The following VSTM1 variants were observed in gnomAD, a reference collection of about 807,000 sequenced individuals.
VSTM1 encodes V-set and transmembrane domain-containing protein 1.
VSTM1 carries 27 observed loss-of-function variants against 33.1 expected under a neutral mutation model. The observed-to-expected ratio is 0.82, with a 90% CI of 0.60 to 1.12. The LOEUF (loss-of-function observed/expected upper bound fraction) is 1.12, where lower values mean the gene tolerates loss of function less well. VSTM1 is among the 50% of genes most tolerant of loss of function. The pLI is 0.00. For missense variants in VSTM1, 304 were observed against 288.9 expected (o/e 1.05, Z -0.38); for synonymous variants, 115 against 110.3 (o/e 1.04, Z -0.27).
chr19:54,060,525 G>A (rs558182039), intron 1 of VSTM1, among the ~76,000 whole-genome samples: 5 of 152,264 alleles, frequency 3.3e-5, no homozygotes, highest in South Asian at 2.1e-4. Context: ...CCGAAGCTGC[G>A]TTGGCAGCGA....
intron 1 of VSTM1, among the ~76,000 whole-genome samples, chr19:54,060,038 G>C (rs1204511781): frequency 6.6e-6 from 1 of 150,900 alleles, no homozygotes; most frequent in African/African-American, 2.4e-5. Flanking sequence ...ATTTTTAGTA[G>C]AGACGGGGTT....
At chr19:54,059,489 A>G (rs1189252804) in intron 1 of VSTM1, among the ~76,000 whole-genome samples, 1 of 152,008 alleles carries the variant, frequency 6.6e-6, no homozygotes, top group African/African-American at 2.4e-5. Context: ...TTGTTTTGAG[A>G]CAGAGTCTCG....
chr19:54,044,406 A>C (rs1419422656), intron 4 of VSTM1, among the ~76,000 whole-genome samples: 1 of 152,042 alleles, frequency 6.6e-6, no homozygotes, highest in Non-Finnish European at 1.5e-5. Context: ...TGAAAATATA[A>C]AAAATAAGCT....
Position 54,058,316 on chromosome 19 carries a change from C to A in VSTM1, c.345G>T (p.Leu115=). The change falls in exon 3 of 9, where the codon CTG becomes CTT. Residue 115 remains leucine, a synonymous_variant. Coordinates refer to ENST00000338372, the MANE Select transcript of VSTM1 (RefSeq NM_198481.4). ...ATCTGCCCTTCTCACCTGTGACCAC[C>A]AGCTGCAAGTGTTCACTGCTTTCTG... ...EWSESSEHLQ[L]VVTDKHDELE... 1 of 1,613,896 alleles carries A rather than the reference C, an allele frequency of 6.2e-7. No homozygotes were observed. Among genetic ancestry groups the A allele is most frequent in the Non-Finnish European group, 8.5e-7 (1 of 1,179,932 alleles).
Position 54,056,459 on chromosome 19 carries a change from G to A in VSTM1, c.355+1847C>T, listed in dbSNP as rs574330863. 2.9e-5 allele frequency among the ~76,000 whole-genome samples: 4 copies of A among 138,722 alleles called. 1 individual carries two copies. The highest frequency in any genetic ancestry group is 1.1e-4 in the African/African-American group (4 of 37,302). 91.0% of individuals were successfully genotyped at this position (138,722 alleles called of 152,430 possible). ...TGATGTCAAACTCCTGACCTCAGGT[G>A]ATCCACCCTCCTAGGCCTCCCAAAG... On this transcript the variant is annotated intron_variant, in intron 3 of 8. Coordinates refer to ENST00000338372, the MANE Select transcript of VSTM1 (RefSeq NM_198481.4).
At position 54,061,120 on chromosome 19, in the gene VSTM1, C is replaced by T. The variant is rs565933053; in HGVS notation, c.35-2388G>A. 9.5e-5 allele frequency among the ~76,000 whole-genome samples: 14 copies of T among 147,960 alleles called. No individual in the cohort carries two copies. The East Asian group carries it at 1.2e-3, about 13-fold the overall frequency. Reference sequence around the variant, plus strand: ...GCAACCTCTGCCTCCCAGGTTCAAGCGATTTTCCTGCCTCAGCCTCCCGAG... The same window carrying T: ...GCAACCTCTGCCTCCCAGGTTCAAGTGATTTTCCTGCCTCAGCCTCCCGAG... On this transcript the variant is annotated intron_variant, in intron 1 of 8. Transcript: ENST00000338372.
In VSTM1 at chr19:54,042,275, A is replaced by G. The variant is rs745389751; in HGVS notation, c.487+2T>C. 5.0e-6 allele frequency: 8 copies of G among 1,613,814 alleles called. No individual in the cohort carries two copies. In the Admixed American group the frequency reaches 8.3e-5, roughly 17 times the overall value. On this transcript the variant is annotated splice_donor_variant, in intron 5 of 8. Coordinates refer to ENST00000338372, the MANE Select transcript of VSTM1 (RefSeq NM_198481.4). LOFTEE classifies it high-confidence loss of function. ...CTCTCCCTTTGCGTTCTCTGAGCTC[A>G]CTGTGCTGGCTGCATCTGTAGATGA...
intron 1 of VSTM1, among the ~76,000 whole-genome samples, chr19:54,060,731 C>T (rs1220302855): frequency 2.0e-5 from 3 of 152,138 alleles, no homozygotes; most frequent in African/African-American, 7.2e-5. Context: ...CACTCTGTGG[C>T]CCAGGCTGGA....
rs565718243 is a variant in VSTM1, at chr19:54,050,817, T to TAAAAACA, written c.394+586_394+592dup. ...CAACATGGTGAAACCCCATCTCTAC[T>TAAAAACA]AAAAACAAAAAACAAAAAACAAAAC... On this transcript the variant is annotated intron_variant, in intron 4 of 8. Transcript: ENST00000338372. 2.2e-3 allele frequency among the ~76,000 whole-genome samples: 332 copies of TAAAAACA among 151,042 alleles called. 15 individuals are homozygous for TAAAAACA. In the South Asian group the frequency reaches 0.067, roughly 30 times the overall value.
chr19:54,052,139 C>T (rs1260446506), intron 3 of VSTM1, among the ~76,000 whole-genome samples: 1 of 151,976 alleles, frequency 6.6e-6, no homozygotes, highest in Non-Finnish European at 1.5e-5. Context: ...TGGCTCACGC[C>T]TGTAATCCCA....
chr19:54,056,195 CTTTCTTTTCT>C lies in VSTM1; in HGVS notation c.355+2101_355+2110del, dbSNP rs1389829407. Among the ~76,000 whole-genome samples, 286 of 90,646 alleles carry C rather than the reference CTTTCTTTTCT, an allele frequency of 3.2e-3. 20 individuals are homozygous for C. The highest frequency in any genetic ancestry group is 5.2e-3 in the Middle Eastern group (1 of 192). The allele number at this position is 90,646 out of a possible 152,430, so 59.5% of individuals were successfully genotyped here. A position where few individuals can be genotyped will look rare whatever the true frequency, so the allele number is the denominator to read the frequency against. On this transcript the variant is annotated intron_variant, in intron 3 of 8. Transcript: ENST00000338372. ...TTCTTTTTTTGTTTTTCTTTTCTTTCTTTCTTTTCTTTTCTTTTCTTTTTTTTTTTTTTTT... is the reference window on the plus strand; with the variant it reads ...TTCTTTTTTTGTTTTTCTTTTCTTTCTTTCTTTTCTTTTTTTTTTTTTTTT...
intron 1 of VSTM1, among the ~76,000 whole-genome samples, chr19:54,063,296 C>T (rs943008231): frequency 2.2e-4 from 34 of 152,214 alleles, no homozygotes; most frequent in African/African-American, 7.5e-4. Context: ...CCAGATCACG[C>T]CATTGCACTC....
chr19:54,061,743 G>A (rs551926312), intron 1 of VSTM1, among the ~76,000 whole-genome samples: 4 of 152,244 alleles, frequency 2.6e-5, no homozygotes, highest in African/African-American at 9.6e-5. Context: ...GAGCTCAGGA[G>A]GTTGAGGCTG....
At chr19:54,052,330 G>A (rs113462791) in intron 3 of VSTM1, among the ~76,000 whole-genome samples, 6,034 of 124,322 alleles carry the variant, frequency 0.049, 758 homozygotes, top group Non-Finnish European at 0.076. Context: ...CCCGGGAGGC[G>A]GAGCTTGCAG....
intron 4 of VSTM1, among the ~76,000 whole-genome samples, chr19:54,050,430 TTA>T (rs1374519205): frequency 2.0e-5 from 3 of 152,064 alleles, no homozygotes; most frequent in African/African-American, 7.2e-5. Context: ...AAACTCTTGA[TTA>T]TATATATTCC....
rs1181288644 is a variant in VSTM1 at position 54,057,145 on chromosome 19, C to T, written c.355+1161G>A. 3.6e-5 allele frequency among the ~76,000 whole-genome samples: 5 copies of T among 140,222 alleles called. 1 individual carries two copies. Among genetic ancestry groups the T allele is most frequent in the Admixed American group, 7.3e-5 (1 of 13,650 alleles). 92.0% of individuals were successfully genotyped at this position (140,222 alleles called of 152,430 possible). ...TGCTGGGATTACAGGCATGAGCCAC[C>T]GCGCCGTGCCTGGCCTGCATCTATC... On this transcript the variant is annotated intron_variant, in intron 3 of 8. Transcript: ENST00000338372.
At chr19:54,063,608 C>A (rs978426945) in intron 1 of VSTM1, 136 bp downstream of exon 1, 3 of 1,122,884 alleles carry the variant, frequency 2.7e-6, no homozygotes. Context: ...GAACCCACAG[C>A]CCAGACCCAC....
intron 1 of VSTM1, among the ~76,000 whole-genome samples, chr19:54,060,455 A>G (rs1335623308): frequency 3.3e-5 from 5 of 152,128 alleles, no homozygotes; most frequent in Admixed American, 2.6e-4. Context: ...GTGCCGATAC[A>G]GAACGTGACC....
chr19:54,056,923 G>T (rs1424675182), intron 3 of VSTM1, among the ~76,000 whole-genome samples: 1 of 139,128 alleles, frequency 7.2e-6, no homozygotes, highest in Non-Finnish European at 1.6e-5. Flanking sequence ...CACAATCTCA[G>T]CTCATTACAA....
Sources: gnomAD v4.1 joint callset for allele counts (sites outside exome capture counted in the v4.1 genomes callset) on GRCh38, gnomAD v4.1.1 for gene constraint, MANE v1.5 for transcripts, NCBI Gene and HGNC (gene_info 2026-07-23, HGNC 2026-07-21) for gene names.